The following CUBN variants were observed in gnomAD, a reference collection of about 807,000 sequenced individuals.
The protein encoded by CUBN is cubilin.
CUBN carries 282 observed loss-of-function variants against 405.3 expected under a neutral mutation model. The ratio of observed to expected loss-of-function variants is 0.70; its 90% CI spans 0.63 to 0.77. The LOEUF (loss-of-function observed/expected upper bound fraction) is 0.77. CUBN is among the 30% of genes least tolerant of loss of function. The probability of loss-of-function intolerance (pLI) is 0.00; values close to 1 mark genes in which losing one functional copy is unlikely to be tolerated. For synonymous variants in CUBN, 1,684 were observed against 1,617.0 expected, an observed-to-expected ratio of 1.04 and a Z score of -0.99; for missense variants, 4,514 against 4,475.2, an observed-to-expected ratio of 1.01 and a Z score of -0.25.
At chr10:17,025,015 A>C (rs537235930) in intron 27 of CUBN, among the ~76,000 whole-genome samples, 99 of 152,318 alleles carry the variant, frequency 6.5e-4, no homozygotes, top group African/African-American at 2.3e-3. Context: ...TTTCTTTAGG[A>C]TGATATCATT....
intron 60 of CUBN, 113 bp downstream of exon 60, chr10:16,851,122 C>A (rs764474374): frequency 3.1e-4 from 259 of 823,180 alleles, no homozygotes; most frequent in Non-Finnish European, 5.1e-4. Flanking sequence ...TTTTAAAAAG[C>A]AGTAGCACCT....
chr10:16,990,360 A>C lies in CUBN; in HGVS notation c.4324T>G (p.Ser1442Ala), dbSNP rs1415088177. Residue 1442 changes from serine to alanine, a missense_variant, in exon 29 of 67, where the codon TCA becomes GCA. By Grantham distance (99) the Ser-to-Ala change is moderately conservative. This residue lies in a region of CUBN where 1,613 missense variants were observed against 1,542.8 expected (regional missense o/e 1.05). Transcript: ENST00000377833. ...TCCAAGACATCAAAGTTGCACCTTG[A>C]ATGATACTCCACATCGAAGTCATGG... The part of the protein sequence containing the change: ...TIHDFDVEYH[S>A]RCNFDVLEIY... 3 of 1,614,202 alleles carry C rather than the reference A, an allele frequency of 1.9e-6. No individual in the cohort carries two copies. The African/African-American group carries it at 4.0e-5, about 22-fold the overall frequency.
At chr10:17,027,342 A>T (rs1834694828) in intron 27 of CUBN, among the ~76,000 whole-genome samples, 1 of 152,218 alleles carries the variant, frequency 6.6e-6, no homozygotes, top group African/African-American at 2.4e-5. Flanking sequence ...ATAATAAATA[A>T]CATGGGGAAA....
chr10:16,872,339 T>G (rs1299254397), intron 58 of CUBN, among the ~76,000 whole-genome samples: 1 of 129,184 alleles, frequency 7.7e-6, no homozygotes, highest in African/African-American at 3.6e-5. Context: ...ACATTTAGAT[T>G]GTATACATAC....
rs540417900 is a variant in CUBN, at chr10:16,863,275, C to T, written c.9454+6361G>A. 5.9e-5 allele frequency among the ~76,000 whole-genome samples: 9 copies of T among 152,270 alleles called. No homozygotes were observed. The South Asian group carries it at 1.0e-3, about 18-fold the overall frequency. On this transcript the variant is annotated intron_variant, in intron 59 of 66. Coordinates refer to ENST00000377833, the MANE Select transcript of CUBN (RefSeq NM_001081.4). ...TAAAAGGTACAGGGCTTAAAAAGAG[C>T]GGAAATAAGCTTAGTTGGGTTTTTC...
intron 58 of CUBN, among the ~76,000 whole-genome samples, chr10:16,872,762 T>C (rs1211375917): frequency 6.6e-6 from 1 of 151,954 alleles, no homozygotes; most frequent in African/African-American, 2.4e-5. Context: ...AAATAGTGAG[T>C]CACAGTAGCA....
intron 17 of CUBN, among the ~76,000 whole-genome samples, chr10:17,072,959 T>A (rs1420951683): frequency 6.6e-6 from 1 of 152,078 alleles, no homozygotes; most frequent in Non-Finnish European, 1.5e-5. Flanking sequence ...ATTATTCCCA[T>A]CCCACCCTCA....
chr10:16,954,063 G>C (rs1842988143), intron 32 of CUBN, among the ~76,000 whole-genome samples: 1 of 152,182 alleles, frequency 6.6e-6, no homozygotes, highest in Admixed American at 6.5e-5. Context: ...TCTTGTAATT[G>C]ATAGCAGTGT....
Position 16,900,850 on chromosome 10 carries a change from G to T in CUBN, c.8185C>A (p.Leu2729Ile), listed in dbSNP as rs1255368809. Residue 2729 changes from leucine (L) to isoleucine (I), a missense_variant and splice_region_variant, in exon 53 of 67, where the codon CTC becomes ATC. Around this residue, in one of 5 missense-constraint regions of CUBN, gnomAD observed 1,186 missense variants for 1,186.9 expected, o/e 1.00. Coordinates refer to ENST00000377833, the MANE Select transcript of CUBN (RefSeq NM_001081.4). ...LEAPQGHTIT[L>I]TFSDFDIEPH... Reference sequence around the variant, plus strand: ...TCAATATCAAAGTCACTAAATGTGAGCTGCAGGAGAAAAAAGAAAATGGTT... The same window carrying T: ...TCAATATCAAAGTCACTAAATGTGATCTGCAGGAGAAAAAAGAAAATGGTT... 1.2e-6 allele frequency: 2 copies of T among 1,607,554 alleles called. No homozygotes were observed. The highest frequency in any genetic ancestry group is 1.7e-6 in the Non-Finnish European group (2 of 1,175,234).
At chr10:16,905,919 C>T (rs1347337291) in intron 50 of CUBN, among the ~76,000 whole-genome samples, 2 of 152,036 alleles carry the variant, frequency 1.3e-5, no homozygotes, top group East Asian at 1.9e-4. Context: ...TTGAGACCAG[C>T]CTGGACAACA....
intron 15 of CUBN, among the ~76,000 whole-genome samples, chr10:17,087,329 C>T (rs1233688181): frequency 6.6e-6 from 1 of 152,102 alleles, no homozygotes; most frequent in Non-Finnish European, 1.5e-5. Context: ...ATATAAGAGC[C>T]TTTTCTCCTC....
intron 2 of CUBN, among the ~76,000 whole-genome samples, chr10:17,128,572 G>A (rs1564526553): frequency 6.6e-6 from 1 of 152,162 alleles, no homozygotes; most frequent in Non-Finnish European, 1.5e-5. Flanking sequence ...ATCCCCTGTG[G>A]AGGAGTTTCA....
chr10:16,968,335 T>C (rs1843459087), intron 31 of CUBN, among the ~76,000 whole-genome samples: 1 of 151,766 alleles, frequency 6.6e-6, no homozygotes, highest in Non-Finnish European at 1.5e-5. Context: ...TTTTTTTTTT[T>C]CCGGATCACA....
chr10:17,055,287 T>C (rs1835365730), intron 22 of CUBN, among the ~76,000 whole-genome samples: 1 of 152,088 alleles, frequency 6.6e-6, no homozygotes, highest in Non-Finnish European at 1.5e-5. Context: ...ATGGCATCTA[T>C]GGAAAATCCA....
intron 22 of CUBN, among the ~76,000 whole-genome samples, chr10:17,060,768 T>C (rs892641321): frequency 1.3e-5 from 2 of 152,124 alleles, no homozygotes; most frequent in African/African-American, 4.8e-5. Context: ...TTCCAAATTA[T>C]GGCTGGGTGC....
chr10:16,923,038 A>T (rs1276516806), intron 43 of CUBN, among the ~76,000 whole-genome samples: 2 of 151,880 alleles, frequency 1.3e-5, no homozygotes, highest in Admixed American at 6.6e-5. Flanking sequence ...AGGTCTTTCT[A>T]TGTTGCCCAG....
intron 31 of CUBN, among the ~76,000 whole-genome samples, chr10:16,978,905 G>C (rs1046397420): frequency 1.3e-5 from 2 of 152,142 alleles, no homozygotes; most frequent in Non-Finnish European, 2.9e-5. Context: ...AATTGTCTCT[G>C]TTGCAGATGA....
Position 16,851,442 on chromosome 10 carries a change from C to T in CUBN, c.9456G>A (p.Gly3152=), listed in dbSNP as rs1165493180. The T allele has an allele frequency of 5.6e-6, 9 of 1,613,876 alleles. No individual in the cohort carries two copies. The highest frequency in any genetic ancestry group is 7.6e-6 in the Non-Finnish European group (9 of 1,179,928). ...GWKMSFRQTL[G]PQQGCGGYLT... ...GATAACCACCACATCCTTGCTGAGG[C>T]CCTGCATTAAAACAAAGACATCACT... The change falls in exon 60 of 67, where the codon GGG becomes GGA. Residue 3152 remains glycine (G), a splice_region_variant and synonymous_variant. Coordinates refer to ENST00000377833, the MANE Select transcript of CUBN (RefSeq NM_001081.4).
chr10:16,869,899 T>G (rs1425662352), intron 58 of CUBN, 46 bp from the exon 59 acceptor site: 1 of 1,380,330 alleles, frequency 7.2e-7, no homozygotes, highest in Non-Finnish European at 1.0e-6. Context: ...TTTGGACTTC[T>G]ATTAAATTGT....
Sources: allele counts gnomAD v4.1 joint callset (sites outside exome capture counted in the v4.1 genomes callset), GRCh38; gene constraint gnomAD v4.1.1; regional missense constraint gnomAD v4.1.1; transcripts MANE v1.5; gene names NCBI Gene and HGNC (gene_info 2026-07-23, HGNC 2026-07-21).